The following RIIAD1 variants were observed in gnomAD, a reference collection of about 807,000 sequenced individuals.
RIIAD1 encodes the protein RIIa domain-containing protein 1.
In RIIAD1, 15 loss-of-function variants were observed where a neutral mutation model predicts 13.3. The observed-to-expected ratio is 1.13, with a 90% CI of 0.76 to 1.74. The LOEUF is 1.74. Ranked by LOEUF, RIIAD1 falls within the 40% of genes most tolerant of loss-of-function variation. RIIAD1 has a pLI of 0.00. For missense variants in RIIAD1, 121 were observed against 112.2 expected (o/e 1.08, Z -0.35); for synonymous variants, 50 against 43.3 (o/e 1.16, Z -0.61).
At chr1:151,716,969 C>T (rs1558115470), upstream of RIIAD1, among the ~76,000 whole-genome samples, 2 of 152,240 alleles carry the variant, frequency 1.3e-5, no homozygotes, top group East Asian at 1.9e-4. Flanking sequence ...CCTTCCCGCC[C>T]CCAGAAGAGC....
Sources: allele counts gnomAD v4.1 joint callset (sites outside exome capture counted in the v4.1 genomes callset), GRCh38; gene constraint gnomAD v4.1.1; transcripts MANE v1.5; gene names NCBI Gene and HGNC (gene_info 2026-07-23, HGNC 2026-07-21).